LPP: variants seen among roughly 807,000 people sequenced by gnomAD.
The protein encoded by LPP is LIM domain containing preferred translocation partner in lipoma, also known as lipoma-preferred partner.
Under a neutral mutation model 60.4 loss-of-function variants are expected in LPP, and 38 were observed. The observed-to-expected ratio is 0.63, with a 90% CI of 0.49 to 0.83. The LOEUF (loss-of-function observed/expected upper bound fraction) is 0.83. Ranked by LOEUF, LPP falls within the 40% of genes least tolerant of loss-of-function variation. The pLI, the probability that LPP is intolerant of heterozygous loss-of-function variation, is 0.00. For synonymous variants in LPP, 328 were observed against 290.8 expected (o/e 1.13, Z -1.30); for missense variants, 902 against 783.6 (o/e 1.15, Z -1.80).
rs533045575 is a variant in LPP at position 188,276,769 on chromosome 3, C to G, written c.-67+51242C>G. Among the ~76,000 whole-genome samples the G allele has an allele frequency of 6.5e-4, 99 of 151,652 alleles. 1 individual carries two copies. Among genetic ancestry groups the G allele is most frequent in the African/African-American group, 2.3e-3 (95 of 41,304 alleles). ...TGTTGCCATGTGAAGTGCCTGCTCC[C>G]TTTTGACTTCTGCCACGTTGGGAAG... On this transcript the variant is annotated intron_variant, in intron 2 of 11. Coordinates refer to ENST00000617246, the MANE Select transcript of LPP (RefSeq NM_001375462.1).
Position 188,326,777 on chromosome 3 carries a change from A to T in LPP, c.-66-14886A>T, listed in dbSNP as rs138237265. On this transcript the variant is annotated intron_variant, in intron 2 of 11. Coordinates refer to ENST00000617246, the MANE Select transcript of LPP (RefSeq NM_001375462.1). ...GTCTGTTCTTCAGAATTATATTTCT[A>T]ATTTAAAATTATATATCATGGAGAT... Among the ~76,000 whole-genome samples the T allele has an allele frequency of 7.8e-3, 1,185 of 152,280 alleles. 14 individuals carry two copies. The highest frequency in any genetic ancestry group is 0.028 in the African/African-American group (1,143 of 41,558).
At chr3:188,680,644 G>A (rs1859278121) in intron 7 of LPP, among the ~76,000 whole-genome samples, 1 of 152,200 alleles carries the variant, frequency 6.6e-6, no homozygotes, top group Non-Finnish European at 1.5e-5. Context: ...TAAGTTTACA[G>A]GAAAGGTCTC....
chr3:188,819,107 C>G (rs958585687), intron 9 of LPP, among the ~76,000 whole-genome samples: 1 of 150,208 alleles, frequency 6.7e-6, no homozygotes, highest in African/African-American at 2.4e-5. Flanking sequence ...TCCTGTATGA[C>G]AGTATTTGAT....
At chr3:188,245,241 T>C (rs1367298027) in intron 2 of LPP, among the ~76,000 whole-genome samples, 5 of 151,892 alleles carry the variant, frequency 3.3e-5, no homozygotes, top group Admixed American at 1.3e-4. Context: ...GCCTCCCAAG[T>C]AGCTGGGATT....
At chr3:188,213,369 A>G (rs1453223507) in intron 1 of LPP, among the ~76,000 whole-genome samples, 1 of 152,192 alleles carries the variant, frequency 6.6e-6, no homozygotes, top group Non-Finnish European at 1.5e-5. Context: ...ACAGTGTGAG[A>G]TAATGGGCAG....
At chr3:188,679,228 A>G (rs1026802160) in intron 7 of LPP, among the ~76,000 whole-genome samples, 1 of 152,228 alleles carries the variant, frequency 6.6e-6, no homozygotes, top group Non-Finnish European at 1.5e-5. Flanking sequence ...TGTAAAATGG[A>G]CATCACTGGA....
chr3:188,403,737 G>A (rs1032488696), intron 3 of LPP, among the ~76,000 whole-genome samples: 1 of 152,140 alleles, frequency 6.6e-6, no homozygotes, highest in African/African-American at 2.4e-5. Context: ...AAAACCACGA[G>A]TAAAACAGAC....
chr3:188,867,978 G>T (rs1767096934), intron 10 of LPP, among the ~76,000 whole-genome samples: 1 of 152,178 alleles, frequency 6.6e-6, no homozygotes, highest in Non-Finnish European at 1.5e-5. Flanking sequence ...CTCACCAAAA[G>T]ACGTGAGGTT....
At chr3:188,565,391 G>A (rs551648460) in intron 6 of LPP, among the ~76,000 whole-genome samples, 3 of 152,020 alleles carry the variant, frequency 2.0e-5, no homozygotes, top group Middle Eastern at 3.4e-3. Flanking sequence ...TTAGAGATCC[G>A]CTCCTCTCAC....
chr3:188,826,901 C>T, intron 9 of LPP, among the ~76,000 whole-genome samples: 1 of 151,978 alleles, frequency 6.6e-6, no homozygotes, highest in East Asian at 1.9e-4. Flanking sequence ...TGATAAGATC[C>T]TATCTTATCT....
intron 7 of LPP, among the ~76,000 whole-genome samples, chr3:188,681,741 A>C (rs1349388506): frequency 6.6e-6 from 1 of 152,244 alleles, no homozygotes; most frequent in Admixed American, 6.5e-5. Context: ...ATAATGTTAA[A>C]TAATACTTTG....
chr3:188,530,411 A>C (rs938191678), intron 6 of LPP, among the ~76,000 whole-genome samples: 2 of 152,224 alleles, frequency 1.3e-5, no homozygotes, highest in African/African-American at 4.8e-5. Context: ...TAGTTTTAGA[A>C]GAACAGATGT....
chr3:188,154,492 C>G (rs1399476377), intron 1 of LPP, among the ~76,000 whole-genome samples: 1 of 152,124 alleles, frequency 6.6e-6, no homozygotes, highest in Non-Finnish European at 1.5e-5. Context: ...GGGTTGGAGC[C>G]TTGCGCGCCC....
chr3:188,844,221 A>G (rs146220589), intron 9 of LPP, among the ~76,000 whole-genome samples: 132 of 152,306 alleles, frequency 8.7e-4, no homozygotes, highest in Admixed American at 2.6e-3. Context: ...TCTGATTTGT[A>G]GTAGATGTTG....
In LPP at chr3:188,369,032, T is replaced by A. The variant is rs73050712; in HGVS notation, c.-10+27313T>A. Among the ~76,000 whole-genome samples the A allele has an allele frequency of 2.7e-3, 404 of 152,244 alleles. 3 individuals are homozygous for A. Among genetic ancestry groups the A allele is most frequent in the African/African-American group, 9.0e-3 (376 of 41,550 alleles). ...ATGAACTAGCTCATCTCCAAGTGCTTAAGGGATATTGCCTGGTTATAAATC... is the reference window on the plus strand; with the variant it reads ...ATGAACTAGCTCATCTCCAAGTGCTAAAGGGATATTGCCTGGTTATAAATC... On this transcript the variant is annotated intron_variant, in intron 3 of 11. Transcript: ENST00000617246.
rs766656340 is a variant in LPP at position 188,760,099 on chromosome 3, C to G, written c.1241-14C>G. The G allele has an allele frequency of 6.2e-7, 1 of 1,613,158 alleles. No individual in the cohort carries two copies. Among genetic ancestry groups the G allele is most frequent in the African/African-American group, 1.3e-5 (1 of 74,848 alleles). ...ACTCCTTGGTGTGTTCTTATCAAAC[C>G]CTTTTTTTTCCAGGCCGCTGTGCTC... On this transcript the variant is annotated splice_polypyrimidine_tract_variant and intron_variant, in intron 8 of 11. Coordinates refer to ENST00000617246, the MANE Select transcript of LPP (RefSeq NM_001375462.1).
At chr3:188,594,266 G>T (rs1330666135) in intron 6 of LPP, among the ~76,000 whole-genome samples, 1 of 152,148 alleles carries the variant, frequency 6.6e-6, no homozygotes, top group South Asian at 2.1e-4. Context: ...CCAGAATCTT[G>T]AAGGGGAAGG....
chr3:188,721,586 A>G (rs921676574), intron 8 of LPP, among the ~76,000 whole-genome samples: 3 of 152,152 alleles, frequency 2.0e-5, no homozygotes, highest in African/African-American at 7.2e-5. Flanking sequence ...AACAAAGTTC[A>G]TTTCATGCAC....
At chr3:188,216,839 G>A (rs1713813079) in intron 1 of LPP, among the ~76,000 whole-genome samples, 1 of 152,218 alleles carries the variant, frequency 6.6e-6, no homozygotes. Flanking sequence ...AGGCATTAGT[G>A]ACCAATGTGT....
Sources: allele counts gnomAD v4.1 joint callset (sites outside exome capture counted in the v4.1 genomes callset), GRCh38; gene constraint gnomAD v4.1.1; transcripts MANE v1.5; gene names NCBI Gene and HGNC (gene_info 2026-07-23, HGNC 2026-07-21).